Variants in ATP8A2 observed in about 807,000 individuals in gnomAD.
ATP8A2 encodes ATPase phospholipid transporting 8A2.
Under a neutral mutation model 165.6 loss-of-function variants are expected in ATP8A2, and 100 were observed. That is an observed-to-expected ratio of 0.60 (90% confidence interval 0.51 to 0.71). The LOEUF (loss-of-function observed/expected upper bound fraction) is 0.71, where lower values mean the gene tolerates loss of function less well. ATP8A2 is among the 30% of genes least tolerant of loss of function. ATP8A2 has a pLI of 0.00. For missense variants in ATP8A2, 1,227 were observed against 1,479.5 expected (o/e 0.83, Z 2.80); for synonymous variants, 543 against 548.8 (o/e 0.99, Z 0.15).
At chr13:25,385,916 ATT>A (rs763105009) in intron 1 of ATP8A2, among the ~76,000 whole-genome samples, 7 of 133,394 alleles carry the variant, frequency 5.2e-5, no homozygotes, top group Non-Finnish European at 4.9e-5. Context: ...TTGGGCTTAA[ATT>A]TTTTTTTTTT....
chr13:25,855,466 T>C (rs986427209), intron 30 of ATP8A2, among the ~76,000 whole-genome samples: 2 of 152,220 alleles, frequency 1.3e-5, no homozygotes, highest in Admixed American at 6.5e-5. Flanking sequence ...TTCCTTTTTA[T>C]TGCCTAATAA....
rs866764294 is a variant in ATP8A2 at position 25,468,542 on chromosome 13, C to G, written c.77-435C>G. Among the ~76,000 whole-genome samples, 3 of 152,330 alleles carry G rather than the reference C, an allele frequency of 2.0e-5. 1 individual carries two copies. Among genetic ancestry groups the G allele is most frequent in the Middle Eastern group, 3.4e-3 (1 of 294 alleles). On this transcript the variant is annotated intron_variant, in intron 1 of 36. Coordinates refer to ENST00000381655, the MANE Select transcript of ATP8A2 (RefSeq NM_016529.6). ...CAAAGGATCCCAGAAAACCCAGTTCCAGAGCTCAGTTCCCGGGACTAGAGG... is the reference window on the plus strand; with the variant it reads ...CAAAGGATCCCAGAAAACCCAGTTCGAGAGCTCAGTTCCCGGGACTAGAGG...
intron 25 of ATP8A2, among the ~76,000 whole-genome samples, chr13:25,749,191 G>A (rs940545998): frequency 2.6e-5 from 4 of 152,298 alleles, no homozygotes; most frequent in Middle Eastern, 3.4e-3. Flanking sequence ...CACTGCAGAC[G>A]CTGAAGAGAA....
chr13:25,866,624 C>G (rs1438563138), intron 33 of ATP8A2, among the ~76,000 whole-genome samples: 1 of 152,124 alleles, frequency 6.6e-6, no homozygotes, highest in African/African-American at 2.4e-5. Flanking sequence ...CACAGAGACA[C>G]ACAATGCACA....
In ATP8A2 at chr13:25,530,040, T is replaced by G. The variant is rs753267305; in HGVS notation, c.263T>G (p.Leu88Trp). The G allele has an allele frequency of 6.2e-7, 1 of 1,613,186 alleles. No individual in the cohort carries two copies. Among genetic ancestry groups the G allele is most frequent in the Non-Finnish European group, 8.5e-7 (1 of 1,179,336 alleles). ...GTGTTGACATTTCTACCTCGATTCT[T>G]GTATGAGCAGATTAGAAGAGCTGCT... is the stretch of plus-strand genomic sequence containing the variant. ...YSVLTFLPRF[L>W]YEQIRRAANA... The change falls in exon 3 of 37, where the codon TTG becomes TGG. Residue 88 changes from leucine to tryptophan, a missense_variant. Coordinates refer to ENST00000381655, the MANE Select transcript of ATP8A2 (RefSeq NM_016529.6).
chr13:25,568,818 T>C (rs6491063), intron 16 of ATP8A2, among the ~76,000 whole-genome samples: 102,269 of 151,996 alleles, frequency 0.67, 35,440 homozygotes, highest in Middle Eastern at 0.73. Flanking sequence ...GATACACACA[T>C]ACATATATAC....
chr13:25,827,905 G>A lies in ATP8A2; in HGVS notation c.2680-213G>A, dbSNP rs537999005. On this transcript the variant is annotated intron_variant, in intron 27 of 36. Coordinates refer to ENST00000381655, the MANE Select transcript of ATP8A2 (RefSeq NM_016529.6). ...GTGCATATTATCTCTGAAAGTAGAT[G>A]TATGCCTTAAATATAAATTTTCCTT... Among the ~76,000 whole-genome samples the A allele has an allele frequency of 2.6e-5, 4 of 152,318 alleles. No homozygotes were observed. The South Asian group carries it at 8.3e-4, about 32-fold the overall frequency.
chr13:25,514,531 C>T (rs1242742965), intron 2 of ATP8A2, among the ~76,000 whole-genome samples: 1 of 151,972 alleles, frequency 6.6e-6, no homozygotes, highest in Admixed American at 6.6e-5. Context: ...GTGTGGGTGC[C>T]CTGGGAATAC....
At chr13:25,769,254 C>T (rs1264468372) in intron 26 of ATP8A2, 25 bp downstream of exon 26, 1 of 1,593,632 alleles carries the variant, frequency 6.3e-7, no homozygotes, top group Admixed American at 1.7e-5. Context: ...CGTCCAGCTG[C>T]CCTGTCCTGT....
At chr13:25,528,984 A>C (rs987019022) in intron 2 of ATP8A2, among the ~76,000 whole-genome samples, 1 of 150,528 alleles carries the variant, frequency 6.6e-6, no homozygotes, top group Non-Finnish European at 1.5e-5. Context: ...CACTTCCCCC[A>C]CCCCACAATA....
At chr13:25,402,121 G>T (rs2033657237) in intron 1 of ATP8A2, among the ~76,000 whole-genome samples, 4 of 152,116 alleles carry the variant, frequency 2.6e-5, no homozygotes, top group Non-Finnish European at 5.9e-5. Context: ...AAATGGGCTG[G>T]CTGGGAGCAT....
Position 25,887,339 on chromosome 13 carries a change from C to T in ATP8A2, c.3183+24931C>T, listed in dbSNP as rs9511969. On this transcript the variant is annotated intron_variant, in intron 33 of 36. Coordinates refer to ENST00000381655, the MANE Select transcript of ATP8A2 (RefSeq NM_016529.6). ...TAAGGAAAAACTTCCTTCCTCAGTC[C>T]AACTCTTTTTTTTTTTAAGACAGAG... Among the ~76,000 whole-genome samples, 546 of 151,976 alleles carry T rather than the reference C, an allele frequency of 3.6e-3. 2 individuals carry two copies. The highest frequency in any genetic ancestry group is 5.1e-3 in the Non-Finnish European group (345 of 67,972).
rs577438119 is a variant in ATP8A2, at chr13:25,747,525, G to A, written c.2385-21521G>A. ...CATACCTGATAACTCTTACAGAACA[G>A]TACGTGCTGGAGTGGAGGAGGTAAG... On this transcript the variant is annotated intron_variant, in intron 25 of 36. Coordinates refer to ENST00000381655, the MANE Select transcript of ATP8A2 (RefSeq NM_016529.6). Among the ~76,000 whole-genome samples the A allele has an allele frequency of 2.0e-5, 3 of 152,326 alleles. No homozygotes were observed. In the South Asian group the frequency reaches 6.2e-4, roughly 32 times the overall value.
intron 19 of ATP8A2, among the ~76,000 whole-genome samples, chr13:25,576,066 T>C (rs1367664576): frequency 6.6e-6 from 1 of 152,186 alleles, no homozygotes; most frequent in African/African-American, 2.4e-5. Flanking sequence ...TTGATAATAC[T>C]CCCGCGAAGT....
intron 33 of ATP8A2, among the ~76,000 whole-genome samples, chr13:25,958,984 A>G (rs1332250384): frequency 6.6e-6 from 1 of 152,228 alleles, no homozygotes; most frequent in Non-Finnish European, 1.5e-5. Context: ...CATTATGTAA[A>G]GTCACTGTGT....
At chr13:25,671,853 C>G (rs2042270726) in intron 24 of ATP8A2, among the ~76,000 whole-genome samples, 1 of 152,202 alleles carries the variant, frequency 6.6e-6, no homozygotes, top group South Asian at 2.1e-4. Flanking sequence ...GTGACCCACA[C>G]CTATTCACAC....
chr13:25,859,670 G>T (rs970456618), intron 30 of ATP8A2, among the ~76,000 whole-genome samples: 1 of 152,072 alleles, frequency 6.6e-6, no homozygotes, highest in Non-Finnish European at 1.5e-5. Context: ...GATAGACTCC[G>T]GAAGCTCATA....
intron 33 of ATP8A2, among the ~76,000 whole-genome samples, chr13:25,866,641 G>GA (rs1952515957): frequency 6.6e-6 from 1 of 151,958 alleles, no homozygotes; most frequent in South Asian, 2.1e-4. Context: ...CACACACACA[G>GA]AGAGACACAC....
At chr13:26,003,789 T>C (rs759669620) in intron 35 of ATP8A2, among the ~76,000 whole-genome samples, 1 of 152,210 alleles carries the variant, frequency 6.6e-6, no homozygotes, top group African/African-American at 2.4e-5. Flanking sequence ...TTTTCTTCAT[T>C]GTGTGTTATT....
Sources: allele counts gnomAD v4.1 joint callset (sites outside exome capture counted in the v4.1 genomes callset), GRCh38; gene constraint gnomAD v4.1.1; transcripts MANE v1.5; gene names NCBI Gene and HGNC (gene_info 2026-07-23, HGNC 2026-07-21).